HTR2C: variants seen among roughly 807,000 people sequenced by gnomAD.
HTR2C encodes 5-hydroxytryptamine receptor 2C, also known as 5-hydroxytryptamine (serotonin) receptor 2C, G protein-coupled.
Under a neutral mutation model 21.0 loss-of-function variants are expected in HTR2C, and 5 were observed. The observed-to-expected ratio is 0.24, with a 90% CI of 0.12 to 0.50. HTR2C has a LOEUF of 0.50. Among genes scored for constraint, HTR2C ranks in the 20% least tolerant of loss-of-function variants. HTR2C has a pLI of 0.98. For missense variants in HTR2C, 271 were observed against 371.2 expected, an observed-to-expected ratio of 0.73 and a Z score of 2.22; for synonymous variants, 150 against 145.3, an observed-to-expected ratio of 1.03 and a Z score of -0.23.
At chrX:114,792,962 G>A (rs2070249156) in intron 4 of HTR2C, among the ~76,000 whole-genome samples, 1 of 111,666 alleles carries the variant, frequency 9.0e-6, no homozygotes, top group South Asian at 3.7e-4. Context: ...TTTTGATGGG[G>A]TTGTTTGTTT....
chrX:114,806,129 A>G (rs2070426502), intron 4 of HTR2C, among the ~76,000 whole-genome samples: 1 of 100,109 alleles, frequency 1.0e-5, no homozygotes, highest in East Asian at 3.2e-4. Context: ...CACCATATGT[A>G]TACATATATA....
intron 5 of HTR2C, among the ~76,000 whole-genome samples, chrX:114,865,805 T>G (rs1251559444): frequency 9.0e-6 from 1 of 111,493 alleles, no homozygotes; most frequent in Non-Finnish European, 1.9e-5. Flanking sequence ...TTTCTTATTT[T>G]TTATTGTATT....
At chrX:114,727,402 G>C (rs1263279809) in intron 3 of HTR2C, among the ~76,000 whole-genome samples, 1 of 111,618 alleles carries the variant, frequency 9.0e-6, no homozygotes, top group Non-Finnish European at 1.9e-5. Context: ...AGGGCTTGGC[G>C]ATGTAGCTGG....
chrX:114,854,346 C>G (rs1415054075), intron 5 of HTR2C, among the ~76,000 whole-genome samples: 3 of 110,663 alleles, frequency 2.7e-5, no homozygotes, highest in Non-Finnish European at 5.7e-5. Flanking sequence ...ATAATTAGCT[C>G]TATTAAAAAA....
chrX:114,753,752 G>A (rs1250814128), intron 4 of HTR2C, among the ~76,000 whole-genome samples: 1 of 111,962 alleles, frequency 8.9e-6, no homozygotes, highest in East Asian at 2.8e-4. Flanking sequence ...ATTACAAAAT[G>A]TTGATGCATG....
At chrX:114,787,564 G>A (rs782743066) in intron 4 of HTR2C, among the ~76,000 whole-genome samples, 107 of 111,676 alleles carry the variant, frequency 9.6e-4, no homozygotes, top group Non-Finnish European at 1.8e-3. Flanking sequence ...ATATAAAACG[G>A]CCATTCAGTT....
At chrX:114,744,698 C>T (rs1316333757) in intron 4 of HTR2C, among the ~76,000 whole-genome samples, 1 of 110,864 alleles carries the variant, frequency 9.0e-6, no homozygotes, top group Non-Finnish European at 1.9e-5. Context: ...GTGATCCGCC[C>T]GCCTCAGCCT....
intron 4 of HTR2C, among the ~76,000 whole-genome samples, chrX:114,757,878 C>G (rs974512145): frequency 9.0e-5 from 10 of 111,352 alleles, no homozygotes; most frequent in Admixed American, 8.7e-4. Flanking sequence ...TTCTTGCCAG[C>G]CTGCTAAGAT....
At chrX:114,740,892 G>A (rs1556425208) in intron 4 of HTR2C, among the ~76,000 whole-genome samples, 3 of 111,363 alleles carry the variant, frequency 2.7e-5, no homozygotes, top group Non-Finnish European at 5.7e-5. Flanking sequence ...GATTGTATAA[G>A]TGTGTAGGTA....
chrX:114,687,616 G>A (rs1556414437), intron 2 of HTR2C, among the ~76,000 whole-genome samples: 1 of 111,893 alleles, frequency 8.9e-6, no homozygotes, highest in East Asian at 2.8e-4. Flanking sequence ...TTTGAGACCA[G>A]CTTAATATGA....
rs201160243 is a variant in HTR2C at position 114,731,495 on chromosome X, C to A, written c.237C>A (p.Ser79Arg). 1 of 1,205,008 alleles carries A rather than the reference C, an allele frequency of 8.3e-7. No homozygotes were observed. The change falls in exon 4 of 6, where the codon AGC becomes AGA. Residue 79 changes from serine to arginine, a missense_variant. Ser to Arg is a moderately radical substitution (Grantham distance 110). Coordinates refer to ENST00000276198, the MANE Select transcript of HTR2C (RefSeq NM_000868.4). ...GGNILVIMAV[S>R]MEKKLHNATN... ...ACATCCTTGTGATCATGGCAGTAAG[C>A]ATGGAAAAGAAACTGCACAATGCCA...
chrX:114,688,320 C>CA (rs61292601), intron 2 of HTR2C, among the ~76,000 whole-genome samples: 49 of 77,535 alleles, frequency 6.3e-4, no homozygotes, highest in African/African-American at 1.8e-3. Flanking sequence ...GACTCCATCT[C>CA]AAAAAAAAAA....
chrX:114,665,863 A>G (rs1931157599), intron 2 of HTR2C, among the ~76,000 whole-genome samples: 1 of 111,408 alleles, frequency 9.0e-6, no homozygotes, highest in African/African-American at 3.3e-5. Flanking sequence ...AAATCTGTGC[A>G]TAAGTGGACT....
chrX:114,593,832 C>T (rs1345478220), intron 1 of HTR2C, among the ~76,000 whole-genome samples: 1 of 111,755 alleles, frequency 8.9e-6, no homozygotes, highest in Non-Finnish European at 1.9e-5. Flanking sequence ...TGAAAATCCA[C>T]TTCAAATAAT....
At chrX:114,639,726 C>T (rs1556406046) in intron 2 of HTR2C, among the ~76,000 whole-genome samples, 1 of 112,066 alleles carries the variant, frequency 8.9e-6, no homozygotes, top group East Asian at 2.8e-4. Context: ...GTGTTGTTCA[C>T]AGATTATAAT....
chrX:114,866,381 A>C (rs1193352081), intron 5 of HTR2C, among the ~76,000 whole-genome samples: 8 of 108,854 alleles, frequency 7.3e-5, no homozygotes, highest in Non-Finnish European at 1.3e-4. Flanking sequence ...ATATATATTT[A>C]ATTTTTTTAG....
chrX:114,749,055 TAAG>T (rs2069732317), intron 4 of HTR2C, among the ~76,000 whole-genome samples: 1 of 109,712 alleles, frequency 9.1e-6, no homozygotes, highest in South Asian at 3.9e-4. Context: ...TAATTAAAAA[TAAG>T]AAGTTATTTG....
rs1274986434 is a variant in HTR2C at position 114,736,128 on chromosome X, A to G, written c.349+4521A>G. ...ACTCTATTTCAAAAAAAAAAAAGAG[A>G]AAAGAAAACATAATGCACTTAACAT... On this transcript the variant is annotated intron_variant, in intron 4 of 5. Transcript: ENST00000276198. Among the ~76,000 whole-genome samples the G allele has an allele frequency of 2.7e-5, 3 of 110,799 alleles. No homozygotes were observed. The East Asian group carries it at 8.5e-4, about 31-fold the overall frequency.
In HTR2C at chrX:114,611,782, C is replaced by A. The variant is rs1272672385; in HGVS notation, c.-146-2033C>A. Reference sequence around the variant, plus strand: ...GCGCGATCTCGGCTCACTGCAAACTCCGCCTCCCGGGTTCACGTCATTCTC... The same window carrying A: ...GCGCGATCTCGGCTCACTGCAAACTACGCCTCCCGGGTTCACGTCATTCTC... On this transcript the variant is annotated intron_variant, in intron 1 of 5. Coordinates refer to ENST00000276198, the MANE Select transcript of HTR2C (RefSeq NM_000868.4). Among the ~76,000 whole-genome samples the A allele has an allele frequency of 2.7e-5, 3 of 111,866 alleles. No individual in the cohort carries two copies. The East Asian group carries it at 8.4e-4, about 31-fold the overall frequency.
Sources: gnomAD v4.1 joint callset for allele counts (sites outside exome capture counted in the v4.1 genomes callset) on GRCh38, gnomAD v4.1.1 for gene constraint, MANE v1.5 for transcripts, NCBI Gene and HGNC (gene_info 2026-07-23, HGNC 2026-07-21) for gene names.